SET: variants seen among roughly 807,000 people sequenced by gnomAD.
SET encodes the protein protein SET.
Under a neutral mutation model 39.0 loss-of-function variants are expected in SET, and 4 were observed. That is an observed-to-expected ratio of 0.10 (90% CI 0.05 to 0.23). SET has a LOEUF of 0.23. Ranked by LOEUF, SET falls within the 10% of genes least tolerant of loss-of-function variation. SET has a pLI of 1.00. For synonymous variants in SET, 114 were observed against 115.9 expected (o/e 0.98, Z 0.11); for missense variants, 137 against 329.7 (o/e 0.42, Z 4.53).
chr9:128,685,080 T>C (rs913946701), upstream of SET: 16 of 1,536,104 alleles, frequency 1.0e-5, no homozygotes, highest in Middle Eastern at 2.1e-4. Context: ...GCAACTCTTA[T>C]GGAAGAAGCA....
chr9:128,685,003 C>T (rs1204017638), upstream of SET: 2 of 1,447,510 alleles, frequency 1.4e-6, no homozygotes, highest in Non-Finnish European at 1.8e-6. Context: ...GTGGAGCCTT[C>T]CTGGGCTGGG....
Position 128,692,843 on chromosome 9 carries a change from C to T in SET, c.379-25C>T, listed in dbSNP as rs772046752. On this transcript the variant is annotated intron_variant, in intron 4 of 7. Transcript: ENST00000322030. Reference sequence around the variant, plus strand: ...TTGGTTGGAAGACCTGTTCATATTTCTAATCTTTCAATTATTTATTACAGT... The same window carrying T: ...TTGGTTGGAAGACCTGTTCATATTTTTAATCTTTCAATTATTTATTACAGT... 3.3e-6 allele frequency: 5 copies of T among 1,522,614 alleles called. No homozygotes were observed. In the South Asian group the frequency reaches 5.7e-5, roughly 17 times the overall value. The allele number at this position is 1,522,614 out of a possible 1,614,324, so 94.3% of individuals were successfully genotyped here. A position where few individuals can be genotyped will look rare whatever the true frequency, so the allele number is the denominator to read the frequency against.
intron 5 of SET, among the ~76,000 whole-genome samples, chr9:128,693,314 G>A (rs965978065): frequency 3.6e-4 from 55 of 152,180 alleles, no homozygotes; most frequent in African/African-American, 1.2e-3. Context: ...TTTCTGCAGT[G>A]GTGACTGAGC....
intron 7 of SET, 75 bp from the exon 8 acceptor site, chr9:128,694,563 CGTG>C: frequency 4.2e-6 from 4 of 948,772 alleles, no homozygotes; most frequent in Admixed American, 2.6e-5. Context: ...CAGGGGCACT[CGTG>C]GGGTCCATTG....
At chr9:128,691,096 A>G in intron 1 of SET, 74 bp from the exon 2 acceptor site, 1 of 1,166,994 alleles carries the variant, frequency 8.6e-7, no homozygotes. Context: ...TGGCTTTTGG[A>G]ATATTATAGT....
upstream of SET, among the ~76,000 whole-genome samples, chr9:128,687,271 C>T (rs986672476): frequency 6.6e-6 from 1 of 151,732 alleles, no homozygotes; most frequent in Admixed American, 6.6e-5. Context: ...AGACACTCAC[C>T]GTGCACTGTC....
At position 128,693,934 on chromosome 9, in the gene SET, AGATGAT is replaced by A. The variant is rs762315789; in HGVS notation, c.714_719del (p.Asp238_Asp239del). On this transcript the variant is annotated inframe_deletion, in exon 7 of 8. Transcript: ENST00000322030. ...ATGATGAAGAAGGAGAAGGAGAAGA[AGATGAT>A]GATGATGATGAAGAGGAGGAAGGAT... The A allele has an allele frequency of 3.2e-6, 5 of 1,575,902 alleles. No individual in the cohort carries two copies. The highest frequency in any genetic ancestry group is 2.2e-5 in the East Asian group (1 of 44,672).
In SET at chr9:128,689,311, A is replaced by AGCCGCCCGCCGCCGCCGC. The variant is rs1342855237; in HGVS notation, c.-271_-254dup. On this transcript the variant is annotated 5_prime_UTR_variant, in exon 1 of 8. Coordinates refer to ENST00000322030, the MANE Select transcript of SET (RefSeq NM_003011.4). ...TCGCCGAGCGCGAGTGAGGGAGCCG[A>AGCCGCCCGCCGCCGCCGC]GCCGCCCGCCGCCGCCGCCTCCGCC... 1 of 1,025,016 alleles carries AGCCGCCCGCCGCCGCCGC rather than the reference A, an allele frequency of 9.8e-7. No individual in the cohort carries two copies. The highest frequency in any genetic ancestry group is 1.2e-6 in the Non-Finnish European group (1 of 855,574). 63.5% of individuals were successfully genotyped at this position (1,025,016 alleles called of 1,614,324 possible).
chr9:128,685,350 A>G, upstream of SET: 8 of 717,442 alleles, frequency 1.1e-5, no homozygotes, highest in Non-Finnish European at 1.9e-5. Context: ...AGTGCTCTAG[A>G]GTGCATTTGT....
chr9:128,687,941 G>A (rs1225405512), upstream of SET, among the ~76,000 whole-genome samples: 3 of 152,156 alleles, frequency 2.0e-5, no homozygotes, highest in Non-Finnish European at 4.4e-5. Context: ...TACTGGCCGG[G>A]CGCAGTGGCT....
chr9:128,690,212 G>A (rs1209569925), intron 1 of SET: 5 of 153,642 alleles, frequency 3.3e-5, no homozygotes, highest in Admixed American at 2.6e-4. Context: ...CCGGCCGGGA[G>A]GATGCTCTGG....
intron 7 of SET, 113 bp from the exon 8 acceptor site, chr9:128,694,528 A>T: frequency 1.6e-6 from 1 of 629,886 alleles, no homozygotes; most frequent in Non-Finnish European, 2.8e-6. Context: ...CAGCTGACTT[A>T]CAGGTTTAGA....
rs1321937656 is a variant in SET at position 128,696,005 on chromosome 9, T to A, written c.*1341T>A. On this transcript the variant is annotated 3_prime_UTR_variant, in exon 8 of 8. Transcript: ENST00000322030. ...GATAGGCTCTCAGTAAGAAGTCTGA[T>A]GGTGAGCAGTAACTGTCCCTGCTTT... 4.4e-6 allele frequency: 1 copy of A among 226,054 alleles called. No individual in the cohort carries two copies. 14.0% of individuals were successfully genotyped at this position (226,054 alleles called of 1,614,324 possible).
At chr9:128,689,909 C>A (rs2132245635) in intron 1 of SET, 1 of 150,692 alleles carries the variant, frequency 6.6e-6, no homozygotes, top group South Asian at 2.0e-4. Flanking sequence ...CGGAGGAGAC[C>A]CCCCCTTCCT....
intron 3 of SET, 110 bp downstream of exon 3, chr9:128,692,110 T>C (rs1861558264): frequency 7.6e-7 from 1 of 1,308,962 alleles, no homozygotes; most frequent in Admixed American, 2.1e-5. Flanking sequence ...AAAGACAGGC[T>C]GGGTGCGGTG....
exon 1 of SET, chr9:128,683,866 G>A (rs769722562): frequency 2.6e-6 from 4 of 1,529,686 alleles, no homozygotes; most frequent in Non-Finnish European, 3.5e-6. Context: ...GAGGAGACTC[G>A]TGGTCTGGTT....
chr9:128,696,313 C>T lies in SET; in HGVS notation c.*1649C>T, dbSNP rs1861738456. On this transcript the variant is annotated 3_prime_UTR_variant, in exon 8 of 8. Coordinates refer to ENST00000322030, the MANE Select transcript of SET (RefSeq NM_003011.4). ...CTAGATGGATAGTATGTAATTTCTG[C>T]ACAGGTCTCTGTTTAGTAAATACAT... The T allele has an allele frequency of 5.2e-6, 1 of 190,598 alleles. No individual in the cohort carries two copies. Among genetic ancestry groups the T allele is most frequent in the Admixed American group, 6.1e-5 (1 of 16,434 alleles). 11.8% of individuals were successfully genotyped at this position (190,598 alleles called of 1,614,324 possible). A position where few individuals can be genotyped will look rare whatever the true frequency, so the allele number is the denominator to read the frequency against.
intron 3 of SET, 93 bp downstream of exon 3, chr9:128,692,093 G>C (rs1044353173): frequency 1.4e-6 from 2 of 1,456,558 alleles, no homozygotes; most frequent in Non-Finnish European, 1.9e-6. Context: ...GCTGGGTTGC[G>C]TGCAACAAAG....
exon 1 of SET, chr9:128,683,717 G>A (rs1373850837): frequency 3.8e-6 from 2 of 521,296 alleles, no homozygotes; most frequent in African/African-American, 2.0e-5. Context: ...GAGGGTGGGT[G>A]GGATGAGGCT....
Sources: allele counts gnomAD v4.1 joint callset (sites outside exome capture counted in the v4.1 genomes callset), GRCh38; gene constraint gnomAD v4.1.1; transcripts MANE v1.5; gene names NCBI Gene and HGNC (gene_info 2026-07-23, HGNC 2026-07-21).